ANO1: variants seen among roughly 807,000 people sequenced by gnomAD.
The protein encoded by ANO1 is anoctamin-1.
Under a neutral mutation model 124.0 loss-of-function variants are expected in ANO1, and 59 were observed. That is an observed-to-expected ratio of 0.48 (90% confidence interval 0.39 to 0.59). The LOEUF is 0.59. Ranked by LOEUF, ANO1 falls within the 20% of genes least tolerant of loss-of-function variation. The probability of loss-of-function intolerance (pLI) is 0.00; values close to 1 mark genes in which losing one functional copy is unlikely to be tolerated. For synonymous variants in ANO1, 529 were observed against 532.0 expected (o/e 0.99, Z 0.08); for missense variants, 1,059 against 1,328.0 (o/e 0.80, Z 3.15).
At chr11:70,138,149 A>C (rs984440723) in intron 11 of ANO1, among the ~76,000 whole-genome samples, 3 of 146,434 alleles carry the variant, frequency 2.0e-5, no homozygotes, top group African/African-American at 4.9e-5. Flanking sequence ...GCTCAAGACC[A>C]GTCAGGCCAA....
chr11:69,999,013 G>T (rs1315034308), intron 1 of ANO1, among the ~76,000 whole-genome samples: 1 of 143,928 alleles, frequency 6.9e-6, no homozygotes, highest in Admixed American at 7.3e-5. Flanking sequence ...CAGCCTGGGT[G>T]ACAGAGTGAG....
chr11:69,991,065 G>T (rs566907522), intron 1 of ANO1, among the ~76,000 whole-genome samples: 2 of 152,098 alleles, frequency 1.3e-5, no homozygotes, highest in Non-Finnish European at 2.9e-5. Context: ...GATCTACCCC[G>T]ATGTTTTCCT....
intron 11 of ANO1, among the ~76,000 whole-genome samples, chr11:70,133,231 G>C (rs73530022): frequency 1.4e-4 from 21 of 152,260 alleles, no homozygotes; most frequent in African/African-American, 5.1e-4. Context: ...GCCAGGTTGC[G>C]GGGCTCTGTG....
intron 1 of ANO1, among the ~76,000 whole-genome samples, chr11:70,063,073 G>A (rs1056539748): frequency 1.3e-5 from 2 of 152,086 alleles, no homozygotes; most frequent in Non-Finnish European, 2.9e-5. Flanking sequence ...GGGACTACAG[G>A]CACATGCCAC....
chr11:69,970,362 C>T, the ANO1 span, among the ~76,000 whole-genome samples: 4 of 152,176 alleles, frequency 2.6e-5, no homozygotes, highest in African/African-American at 9.6e-5. Flanking sequence ...CAGCAGCCCC[C>T]GGAGCCCAGA....
chr11:70,032,983 C>T (rs549947748), intron 1 of ANO1, among the ~76,000 whole-genome samples: 2 of 152,274 alleles, frequency 1.3e-5, no homozygotes, highest in African/African-American at 4.8e-5. Context: ...GGGTGAGGAC[C>T]AGGCACACGG....
At chr11:70,078,740 G>A (rs772695903) in intron 1 of ANO1, 26 bp downstream of exon 1, 13 of 1,420,460 alleles carry the variant, frequency 9.2e-6, no homozygotes, top group Non-Finnish European at 1.2e-5. Flanking sequence ...CGCGACCCGG[G>A]CGGGAGGGCC....
intron 1 of ANO1, among the ~76,000 whole-genome samples, chr11:70,079,291 G>A (rs1369073900): frequency 6.6e-6 from 1 of 152,104 alleles, no homozygotes; most frequent in Non-Finnish European, 1.5e-5. Flanking sequence ...CCTGGCATTG[G>A]CACCGAAACT....
At chr11:69,984,633 G>A (rs1554996650), upstream of ANO1, among the ~76,000 whole-genome samples, 1 of 152,162 alleles carries the variant, frequency 6.6e-6, no homozygotes, top group Non-Finnish European at 1.5e-5. Context: ...CTGGTGGGGA[G>A]GAGGACAGCT....
chr11:70,116,460 A>T lies in ANO1; in HGVS notation c.858A>T (p.Gly286=). 6.3e-7 allele frequency: 1 copy of T among 1,598,670 alleles called. No individual in the cohort carries two copies. Among genetic ancestry groups the T allele is most frequent in the Non-Finnish European group, 8.5e-7 (1 of 1,172,426 alleles). ...TCCCTTTCCTCTTTTTTTAACAGGG[A>T]GACTACAACGGTGAAAACGTCGAGT... ...VYAAAYPLHD[G]DYNGENVEFN... Residue 286 remains glycine (G), a splice_region_variant and synonymous_variant, in exon 8 of 26, where the codon GGA becomes GGT. Coordinates refer to ENST00000355303, the MANE Select transcript of ANO1 (RefSeq NM_018043.7).
At chr11:70,186,132 C>A (rs905919685) in intron 25 of ANO1, among the ~76,000 whole-genome samples, 1 of 151,888 alleles carries the variant, frequency 6.6e-6, no homozygotes, top group Non-Finnish European at 1.5e-5. Context: ...CTAAAAATAT[C>A]AAAAATTAGC....
chr11:70,136,569 G>A (rs2046963793), intron 11 of ANO1, among the ~76,000 whole-genome samples: 1 of 145,320 alleles, frequency 6.9e-6, no homozygotes, highest in African/African-American at 2.4e-5. Flanking sequence ...GAGGTTCGAA[G>A]GCTCAGCCAG....
At position 70,115,567 on chromosome 11, in the gene ANO1, A is replaced by T. The variant is rs569549928; in HGVS notation, c.856-891A>T. Among the ~76,000 whole-genome samples the T allele has an allele frequency of 7.9e-5, 12 of 152,274 alleles. No individual in the cohort carries two copies. In the South Asian group the frequency reaches 2.5e-3, roughly 32 times the overall value. On this transcript the variant is annotated intron_variant, in intron 7 of 25. Coordinates refer to ENST00000355303, the MANE Select transcript of ANO1 (RefSeq NM_018043.7). ...GCGAAGGTTGCAGTGAGCCGAGATC[A>T]TGCCACTGTACTCCAGCCTGAGCGA...
chr11:70,099,197 G>T (rs543380207), intron 2 of ANO1, among the ~76,000 whole-genome samples: 4 of 152,194 alleles, frequency 2.6e-5, no homozygotes, highest in Non-Finnish European at 5.9e-5. Context: ...GCTGGCTGGG[G>T]GCGAAGGGGA....
intron 22 of ANO1, among the ~76,000 whole-genome samples, chr11:70,173,220 AT>A (rs1383100828): frequency 1.3e-5 from 2 of 152,100 alleles, no homozygotes; most frequent in Non-Finnish European, 2.9e-5. Flanking sequence ...GCAGCTTCAC[AT>A]TTGCACTGCG....
intron 1 of ANO1, among the ~76,000 whole-genome samples, chr11:69,997,214 G>A (rs139440448): frequency 2.4e-4 from 36 of 152,282 alleles, no homozygotes; most frequent in Middle Eastern, 3.4e-3. Context: ...CATACTCTGA[G>A]CTGGTTTACA....
chr11:70,034,457 C>T (rs1164548478), intron 1 of ANO1, among the ~76,000 whole-genome samples: 1 of 152,068 alleles, frequency 6.6e-6, no homozygotes, highest in African/African-American at 2.4e-5. Context: ...TACCACCATG[C>T]CAGGAGAGGG....
intron 18 of ANO1, 74 bp downstream of exon 18, chr11:70,161,807 T>G: frequency 6.9e-7 from 1 of 1,443,604 alleles, no homozygotes; most frequent in East Asian, 2.3e-5. Flanking sequence ...CCCCACAGGT[T>G]GGGGGCACCT....
At chr11:70,038,630 G>A (rs572416190) in intron 1 of ANO1, among the ~76,000 whole-genome samples, 1 of 152,206 alleles carries the variant, frequency 6.6e-6, no homozygotes, top group East Asian at 1.9e-4. Context: ...CTCTCTTGTG[G>A]GGAGGTGCCC....
Sources: gnomAD v4.1 joint callset for allele counts (sites outside exome capture counted in the v4.1 genomes callset) on GRCh38, gnomAD v4.1.1 for gene constraint, MANE v1.5 for transcripts, NCBI Gene and HGNC (gene_info 2026-07-23, HGNC 2026-07-21) for gene names.